The following PCDH19 variants were observed in gnomAD, a reference collection of about 807,000 sequenced individuals.
PCDH19 encodes protocadherin-19.
In PCDH19, 6 loss-of-function variants were observed where a neutral mutation model predicts 46.2. That is an observed-to-expected ratio of 0.13 (90% CI 0.07 to 0.26). PCDH19 has a LOEUF of 0.26. PCDH19 is among the 10% of genes least tolerant of loss of function. PCDH19 has a pLI of 1.00. For missense variants in PCDH19, 740 were observed against 972.3 expected, an observed-to-expected ratio of 0.76 and a Z score of 3.18; for synonymous variants, 481 against 415.7, an observed-to-expected ratio of 1.16 and a Z score of -1.91.
intron 3 of PCDH19, among the ~76,000 whole-genome samples, chrX:100,357,627 C>A (rs1312075954): frequency 8.9e-6 from 1 of 112,198 alleles, no homozygotes; most frequent in African/African-American, 3.2e-5. Flanking sequence ...AAGTCCTTAG[C>A]TAAGCAGTCA....
chrX:100,356,324 CTTT>C (rs1354460947), intron 3 of PCDH19, among the ~76,000 whole-genome samples: 2 of 111,508 alleles, frequency 1.8e-5, no homozygotes, highest in Non-Finnish European at 3.8e-5. Context: ...AACGCTGCTT[CTTT>C]TTTTAACTGC....
At chrX:100,376,537 T>G (rs961447838) in intron 3 of PCDH19, among the ~76,000 whole-genome samples, 3 of 112,263 alleles carry the variant, frequency 2.7e-5, no homozygotes, top group African/African-American at 9.7e-5. Context: ...ACTATTTTCT[T>G]TTTAAATCAC....
rs1927785093 is a variant in PCDH19 at position 100,388,764 on chromosome X, T to C, written c.2616+13760A>G. On this transcript the variant is annotated intron_variant, in intron 3 of 5. Coordinates refer to ENST00000373034, the MANE Select transcript of PCDH19 (RefSeq NM_001184880.2). ...TTTTAATCTTTGCTTATTTGATAAG[T>C]ACAAAATGACATCTTACATATCAAA... Among the ~76,000 whole-genome samples the C allele has an allele frequency of 2.7e-5, 3 of 111,071 alleles. No homozygotes were observed. In the South Asian group the frequency reaches 1.1e-3, roughly 42 times the overall value.
intron 3 of PCDH19, among the ~76,000 whole-genome samples, chrX:100,399,478 T>C (rs959163743): frequency 2.7e-5 from 3 of 112,103 alleles, no homozygotes; most frequent in African/African-American, 9.7e-5. Flanking sequence ...CCTAGAGCAG[T>C]GCCTTACAAA....
chrX:100,338,269 G>T (rs1276536940), intron 5 of PCDH19, among the ~76,000 whole-genome samples: 1 of 104,628 alleles, frequency 9.6e-6, no homozygotes, highest in African/African-American at 3.5e-5. Flanking sequence ...GTGAACCCGG[G>T]AGGCGGAGCT....
intron 3 of PCDH19, among the ~76,000 whole-genome samples, chrX:100,390,678 C>G (rs975067948): frequency 2.7e-5 from 3 of 111,829 alleles, no homozygotes; most frequent in African/African-American, 9.8e-5. Flanking sequence ...GGAATCAAAT[C>G]TAGTTTAAAA....
intron 5 of PCDH19, among the ~76,000 whole-genome samples, chrX:100,332,446 C>T (rs1925900214): frequency 9.4e-6 from 1 of 106,855 alleles, no homozygotes; most frequent in Non-Finnish European, 1.9e-5. Context: ...AGCTTGAACC[C>T]GGGAGGCGGA....
chrX:100,395,501 T>C, intron 3 of PCDH19, among the ~76,000 whole-genome samples: 1 of 112,927 alleles, frequency 8.9e-6, no homozygotes, highest in Non-Finnish European at 1.9e-5. Flanking sequence ...GAGGAACTAC[T>C]GTGAAGCAAA....
intron 5 of PCDH19, among the ~76,000 whole-genome samples, chrX:100,334,698 G>T (rs1926028220): frequency 9.1e-6 from 1 of 109,559 alleles, no homozygotes; most frequent in Non-Finnish European, 1.9e-5. Context: ...CACTCTACTT[G>T]TCAATCACTC....
intron 3 of PCDH19, among the ~76,000 whole-genome samples, chrX:100,376,678 A>G (rs893903757): frequency 1.1e-5 from 1 of 92,495 alleles, no homozygotes; most frequent in Non-Finnish European, 2.3e-5. Context: ...AGTAACTTAG[A>G]TTTTTTTCTT....
At chrX:100,302,135 C>T (rs937924743) in intron 5 of PCDH19, among the ~76,000 whole-genome samples, 1 of 111,507 alleles carries the variant, frequency 9.0e-6, no homozygotes, top group Non-Finnish European at 1.9e-5. Flanking sequence ...AAGCCATGTG[C>T]CTGTGGGTGG....
rs1276536940 is a variant in PCDH19 at position 100,338,269 on chromosome X, G to A, written c.2848+3634C>T. Among the ~76,000 whole-genome samples the A allele has an allele frequency of 1.1e-4, 11 of 104,653 alleles. No individual in the cohort carries two copies. In the South Asian group the frequency reaches 4.5e-3, roughly 43 times the overall value. 90.9% of individuals were successfully genotyped at this position (104,653 alleles called of 115,157 possible). A position where few individuals can be genotyped will look rare whatever the true frequency, so the allele number is the denominator to read the frequency against. On this transcript the variant is annotated intron_variant, in intron 5 of 5. Coordinates refer to ENST00000373034, the MANE Select transcript of PCDH19 (RefSeq NM_001184880.2). The stretch of plus-strand genomic sequence containing the variant: ...AGGCAGGAGAATGGCGTGAACCCGG[G>A]AGGCGGAGCTTGCAGTGAGCCGAGA...
At chrX:100,329,648 G>A (rs760424111) in intron 5 of PCDH19, among the ~76,000 whole-genome samples, 2 of 111,814 alleles carry the variant, frequency 1.8e-5, no homozygotes, top group South Asian at 3.7e-4. Flanking sequence ...GGTGGCTCAC[G>A]CCTGTAATTC....
rs2147538708 is a variant in PCDH19 at position 100,407,143 on chromosome X, G to A, written c.1455C>T (p.Asn485=). 3.3e-6 allele frequency: 4 copies of A among 1,212,079 alleles called. No individual in the cohort carries two copies. The highest frequency in any genetic ancestry group is 4.5e-6 in the Non-Finnish European group (4 of 895,548). ...GCACGATCTGGTAGGAGACACTGCC[G>A]TTGAGACCCAGGTCGGGGTCGCGAG... The part of the protein sequence containing the change: ...VSARDPDLGL[N]GSVSYQIVPS... Residue 485 remains asparagine, a synonymous_variant, in exon 1 of 6, where the codon AAC becomes AAT. Transcript: ENST00000373034.
At position 100,366,414 on chromosome X, in the gene PCDH19, A is replaced by T. The variant is rs185624570; in HGVS notation, c.2617-15710T>A. Reference sequence around the variant, plus strand: ...CTCTCTAAATAGTACTGAGCAACTAACTATAACCTTCTGCCTTTGCAACTA... The same window carrying T: ...CTCTCTAAATAGTACTGAGCAACTATCTATAACCTTCTGCCTTTGCAACTA... On this transcript the variant is annotated intron_variant, in intron 3 of 5. Transcript: ENST00000373034. Among the ~76,000 whole-genome samples, 6 of 111,721 alleles carry T rather than the reference A, an allele frequency of 5.4e-5. No individual in the cohort carries two copies. The East Asian group carries it at 1.7e-3, about 32-fold the overall frequency.
At chrX:100,376,294 GA>G (rs1927383852) in intron 3 of PCDH19, among the ~76,000 whole-genome samples, 1 of 108,742 alleles carries the variant, frequency 9.2e-6, no homozygotes, top group Non-Finnish European at 1.9e-5. Context: ...ATCATACTCT[GA>G]ATTTTAGACA....
chrX:100,347,024 T>G (rs978308830), intron 4 of PCDH19, among the ~76,000 whole-genome samples: 29 of 109,969 alleles, frequency 2.6e-4, no homozygotes, highest in African/African-American at 9.3e-4. Context: ...TCTGGGGCCC[T>G]CACATAAGCC....
rs1207488480 is a variant in PCDH19 at position 100,363,886 on chromosome X, T to TGTGTGTGTGTGTGTGAGA, written c.2617-13183_2617-13182insTCTCACACACACACACAC. On this transcript the variant is annotated intron_variant, in intron 3 of 5. Transcript: ENST00000373034. ...GTGTGTGTGTGTGTGTGTGTGTGTG[T>TGTGTGTGTGTGTGTGAGA]GAGAGAGAGGGAGAGGGAGAGAGAA... is the stretch of plus-strand genomic sequence containing the variant. 4.0e-3 allele frequency among the ~76,000 whole-genome samples: 396 copies of TGTGTGTGTGTGTGTGAGA among 98,013 alleles called. 3 individuals are homozygous for TGTGTGTGTGTGTGTGAGA. Among genetic ancestry groups the TGTGTGTGTGTGTGTGAGA allele is most frequent in the African/African-American group, 0.014 (364 of 25,702 alleles). 85.1% of individuals were successfully genotyped at this position (98,013 alleles called of 115,157 possible). A position where few individuals can be genotyped will look rare whatever the true frequency, so the allele number is the denominator to read the frequency against.
Position 100,406,506 on chromosome X carries a change from A to C in PCDH19, c.2092T>G (p.Phe698Val). The C allele has an allele frequency of 8.3e-7, 1 of 1,208,742 alleles. No individual in the cohort carries two copies. The highest frequency in any genetic ancestry group is 1.1e-6 in the Non-Finnish European group (1 of 893,892). Residue 698 changes from phenylalanine (F) to valine (V), a missense_variant, in exon 1 of 6, where the codon TTC (phenylalanine) becomes GTC (valine). Physicochemically the swap from Phe to Val is conservative, Grantham distance 50. This residue lies in a region of PCDH19 where 416 missense variants were observed against 476.8 expected (regional missense o/e 0.87). Transcript: ENST00000373034. ...IAGILFVTMI[F>V]VAIKCKRDNK... ...TCTCGCTTGCACTTGATTGCCACGA[A>C]GATCATAGTTACAAAGAGGATGCCC...
Sources: allele counts gnomAD v4.1 joint callset (sites outside exome capture counted in the v4.1 genomes callset), GRCh38; gene constraint gnomAD v4.1.1; regional missense constraint gnomAD v4.1.1; transcripts MANE v1.5; gene names NCBI Gene and HGNC (gene_info 2026-07-23, HGNC 2026-07-21).